ZHX2: variants seen among roughly 807,000 people sequenced by gnomAD.
ZHX2 encodes the protein zinc fingers and homeoboxes protein 2.
ZHX2 carries 6 observed loss-of-function variants against 21.9 expected under a neutral mutation model. That is an observed-to-expected ratio of 0.27 (90% confidence interval 0.15 to 0.54). ZHX2 has a LOEUF of 0.54. Ranked by LOEUF, ZHX2 falls within the 20% of genes least tolerant of loss-of-function variation. The pLI, the probability that ZHX2 is intolerant of heterozygous loss-of-function variation, is 0.95. For synonymous variants in ZHX2, 434 were observed against 437.1 expected (o/e 0.99, Z 0.09); for missense variants, 908 against 1,090.7 (o/e 0.83, Z 2.36).
intron 2 of ZHX2, among the ~76,000 whole-genome samples, chr8:122,942,619 T>C (rs949042336): frequency 3.9e-5 from 6 of 152,106 alleles, no homozygotes; most frequent in Non-Finnish European, 8.8e-5. Context: ...GATCCTCCAC[T>C]GCAGGAGGCC....
intron 2 of ZHX2, among the ~76,000 whole-genome samples, chr8:122,903,365 T>C (rs1563775002): frequency 6.6e-6 from 1 of 152,190 alleles, no homozygotes; most frequent in East Asian, 1.9e-4. Flanking sequence ...CAAAGAAGTA[T>C]CAAGCATGAC....
chr8:122,936,601 G>A (rs570632606), intron 2 of ZHX2, among the ~76,000 whole-genome samples: 5 of 152,294 alleles, frequency 3.3e-5, no homozygotes, highest in South Asian at 2.1e-4. Flanking sequence ...TCTGTCTGTC[G>A]GGATGTTTTC....
At chr8:122,900,410 G>A (rs1182806427) in intron 2 of ZHX2, among the ~76,000 whole-genome samples, 4 of 152,070 alleles carry the variant, frequency 2.6e-5, no homozygotes, top group African/African-American at 9.7e-5. Flanking sequence ...AGTGAGACTC[G>A]CCCACGAGGG....
intron 1 of ZHX2, among the ~76,000 whole-genome samples, chr8:122,794,891 G>C (rs973071556): frequency 3.3e-5 from 5 of 152,110 alleles, no homozygotes; most frequent in African/African-American, 9.7e-5. Flanking sequence ...TTCTACTCTG[G>C]AGATATTTGT....
At chr8:122,806,944 T>A (rs1817836538) in intron 1 of ZHX2, among the ~76,000 whole-genome samples, 1 of 152,116 alleles carries the variant, frequency 6.6e-6, no homozygotes, top group African/African-American at 2.4e-5. Flanking sequence ...TAACCAGACC[T>A]CCCATCCTTA....
intron 1 of ZHX2, among the ~76,000 whole-genome samples, chr8:122,823,471 G>C (rs990908492): frequency 6.6e-6 from 1 of 152,230 alleles, no homozygotes. Context: ...AGTCGAAGCA[G>C]AGACCTCCCA....
At position 122,954,060 on chromosome 8, in the gene ZHX2, G is replaced by T. The variant is rs183377116; in HGVS notation, c.*4+32G>T. 1.8e-3 allele frequency: 2,745 copies of T among 1,528,738 alleles called. 3 individuals carry two copies. The highest frequency in any genetic ancestry group is 2.1e-3 in the Non-Finnish European group (2,431 of 1,137,910). The allele number at this position is 1,528,738 out of a possible 1,614,324, so 94.7% of individuals were successfully genotyped here. A position where few individuals can be genotyped will look rare whatever the true frequency, so the allele number is the denominator to read the frequency against. ...CCACCTGCTCACCCAGGCAGCAGGG[G>T]AGAACGCAGCTTGCTTTCTTTTCGT... On this transcript the variant is annotated intron_variant, in intron 3 of 3. Coordinates refer to ENST00000314393, the MANE Select transcript of ZHX2 (RefSeq NM_014943.5).
chr8:122,928,436 G>A (rs1820906540), intron 2 of ZHX2, among the ~76,000 whole-genome samples: 2 of 152,182 alleles, frequency 1.3e-5, no homozygotes. Flanking sequence ...AGGGAGAAGA[G>A]TGTGTGAGGT....
At chr8:122,956,614 G>T (rs2130314544) in intron 3 of ZHX2, among the ~76,000 whole-genome samples, 1 of 152,312 alleles carries the variant, frequency 6.6e-6, no homozygotes, top group Middle Eastern at 3.4e-3. Flanking sequence ...CCACTGGTGA[G>T]AAACCAAAAG....
intron 1 of ZHX2, among the ~76,000 whole-genome samples, chr8:122,786,123 G>A (rs1817390652): frequency 6.6e-6 from 1 of 152,216 alleles, no homozygotes; most frequent in Non-Finnish European, 1.5e-5. Flanking sequence ...ATGTGAGTCA[G>A]CTGTTACAGG....
At chr8:122,938,825 AAG>A (rs958755061) in intron 2 of ZHX2, among the ~76,000 whole-genome samples, 1 of 152,098 alleles carries the variant, frequency 6.6e-6, no homozygotes, top group African/African-American at 2.4e-5. Context: ...GCAACAGAGC[AAG>A]ACTCTGTCAA....
chr8:122,972,708 T>C (rs1294224156), intron 3 of ZHX2, among the ~76,000 whole-genome samples: 1 of 152,226 alleles, frequency 6.6e-6, no homozygotes, highest in Non-Finnish European at 1.5e-5. Context: ...GTCCAAATAC[T>C]GTTGTGTACA....
rs534304768 is a variant in ZHX2, at chr8:122,782,129, G to T, written c.-283+183G>T. On this transcript the variant is annotated intron_variant, in intron 1 of 3. Coordinates refer to ENST00000314393, the MANE Select transcript of ZHX2 (RefSeq NM_014943.5). This position sits in a 1 kb window ranked among gnomAD's most constrained non-coding sequence, Gnocchi z 5.3. ...TGATTGGAAGGGGGGTACGGAAGGG[G>T]GGGGGTGTGCAGGCTCTTTTTGCGG... Among the ~76,000 whole-genome samples, 2 of 146,660 alleles carry T rather than the reference G, an allele frequency of 1.4e-5. No individual in the cohort carries two copies. Among genetic ancestry groups the T allele is most frequent in the Non-Finnish European group, 3.0e-5 (2 of 66,156 alleles).
At chr8:122,898,918 T>TTATTCAGCAGAACCCACTCCCGGC (rs1820161255) in intron 2 of ZHX2, among the ~76,000 whole-genome samples, 1 of 152,190 alleles carries the variant, frequency 6.6e-6, no homozygotes, top group Non-Finnish European at 1.5e-5. Flanking sequence ...GCTCCTGCTG[T>TTATTCAGCAGAACCCACTCCCGGC]TATTCAGCAG....
intron 1 of ZHX2, among the ~76,000 whole-genome samples, chr8:122,803,960 T>G (rs1427836734): frequency 1.3e-5 from 2 of 152,130 alleles, no homozygotes; most frequent in East Asian, 3.9e-4. Flanking sequence ...AGGGCGGGCT[T>G]TGATCAGTAC....
At chr8:122,960,442 G>A (rs765390339) in intron 3 of ZHX2, among the ~76,000 whole-genome samples, 1 of 152,180 alleles carries the variant, frequency 6.6e-6, no homozygotes, top group Non-Finnish European at 1.5e-5. Flanking sequence ...TGGGGCTGAG[G>A]CAGGAGAATC....
intron 2 of ZHX2, among the ~76,000 whole-genome samples, chr8:122,880,650 C>T (rs1819691025): frequency 6.6e-6 from 1 of 151,952 alleles, no homozygotes; most frequent in Non-Finnish European, 1.5e-5. Flanking sequence ...TTGTGCACAC[C>T]TGTAATCCCA....
chr8:122,903,816 A>G (rs1017453571), intron 2 of ZHX2, among the ~76,000 whole-genome samples: 3 of 152,158 alleles, frequency 2.0e-5, no homozygotes, highest in Admixed American at 1.3e-4. Flanking sequence ...GAAAATGGGA[A>G]TGGTTAGAAA....
rs1820561711 is a variant in ZHX2, at chr8:122,914,890, A to G, written c.-219-36402A>G. Among the ~76,000 whole-genome samples, 3 of 152,118 alleles carry G rather than the reference A, an allele frequency of 2.0e-5. 1 individual carries two copies. The highest frequency in any genetic ancestry group is 7.2e-5 in the African/African-American group (3 of 41,414). ...TAAGATTGTTCCTGCTGCATTCAAT[A>G]TTTTAATGTTATTCCCAAATGGGAG... On this transcript the variant is annotated intron_variant, in intron 2 of 3. Coordinates refer to ENST00000314393, the MANE Select transcript of ZHX2 (RefSeq NM_014943.5).
Sources: gnomAD v4.1 joint callset for allele counts (sites outside exome capture counted in the v4.1 genomes callset) on GRCh38, gnomAD v4.1.1 for gene constraint, Gnocchi (gnomAD v3.1) non-coding constraint, MANE v1.5 for transcripts, NCBI Gene and HGNC (gene_info 2026-07-23, HGNC 2026-07-21) for gene names.